Variants in CACNA1E observed in about 807,000 individuals in gnomAD.
CACNA1E encodes voltage-dependent R-type calcium channel subunit alpha-1E.
In CACNA1E, 40 loss-of-function variants were observed where a neutral mutation model predicts 259.2. That is an observed-to-expected ratio of 0.15 (90% CI 0.12 to 0.20). CACNA1E has a LOEUF of 0.20. CACNA1E is among the 10% of genes least tolerant of loss of function. CACNA1E has a pLI of 1.00. For synonymous variants in CACNA1E, 1,104 were observed against 1,138.5 expected, an observed-to-expected ratio of 0.97 and a Z score of 0.61; for missense variants, 1,874 against 3,040.1, an observed-to-expected ratio of 0.62 and a Z score of 9.02.
intron 2 of CACNA1E, among the ~76,000 whole-genome samples, chr1:181,434,307 G>T (rs1363998667): frequency 6.6e-6 from 1 of 151,942 alleles, no homozygotes. Flanking sequence ...CCTATTTTTG[G>T]ACACTTAAGT....
At chr1:181,618,234 A>C (rs1344473708) in intron 6 of CACNA1E, among the ~76,000 whole-genome samples, 7 of 152,208 alleles carry the variant, frequency 4.6e-5, no homozygotes, top group East Asian at 3.9e-4. Context: ...GGTGGTGGGC[A>C]TGGCAGATGA....
At chr1:181,522,417 A>G (rs2102681761) in intron 3 of CACNA1E, among the ~76,000 whole-genome samples, 1 of 152,302 alleles carries the variant, frequency 6.6e-6, no homozygotes, top group Non-Finnish European at 1.5e-5. Flanking sequence ...CAGCACAGAA[A>G]TTATTTTAAA....
Position 181,755,937 on chromosome 1 carries a change from A to C in CACNA1E, c.3990-19A>C. Reference sequence around the variant, plus strand: ...AGCTATAGTGAGGAGGCTCTCTTTCATTTCTGCTCTGGTTTTAGAGGCAAC... The same window carrying C: ...AGCTATAGTGAGGAGGCTCTCTTTCCTTTCTGCTCTGGTTTTAGAGGCAAC... On this transcript the variant is annotated intron_variant, in intron 28 of 47. Transcript: ENST00000367573. 6.2e-7 allele frequency: 1 copy of C among 1,609,694 alleles called. No individual in the cohort carries two copies. The highest frequency in any genetic ancestry group is 8.5e-7 in the Non-Finnish European group (1 of 1,177,564).
intron 3 of CACNA1E, among the ~76,000 whole-genome samples, chr1:181,531,793 G>A (rs1667802238): frequency 6.6e-6 from 1 of 152,302 alleles, no homozygotes; most frequent in South Asian, 2.1e-4. Flanking sequence ...GGTGGCTCAC[G>A]CCTGCAATCC....
At chr1:181,557,858 C>T (rs896049891) in intron 3 of CACNA1E, among the ~76,000 whole-genome samples, 2 of 152,166 alleles carry the variant, frequency 1.3e-5, no homozygotes, top group African/African-American at 4.8e-5. Flanking sequence ...GGATCCCACC[C>T]TCTGGACCTG....
chr1:181,335,845 C>G (rs972529400), intron 1 of CACNA1E, among the ~76,000 whole-genome samples: 2 of 152,200 alleles, frequency 1.3e-5, no homozygotes, highest in Non-Finnish European at 2.9e-5. Flanking sequence ...CACCCTGGAG[C>G]CTTTCCGCAG....
At chr1:181,597,576 C>A (rs1653315626) in intron 6 of CACNA1E, among the ~76,000 whole-genome samples, 1 of 152,158 alleles carries the variant, frequency 6.6e-6, no homozygotes, top group Non-Finnish European at 1.5e-5. Context: ...GCTGGGCACT[C>A]TACACGTGTG....
In CACNA1E at chr1:181,802,812, A is replaced by G. The variant is rs576070431; in HGVS notation, c.*3978A>G. On this transcript the variant is annotated 3_prime_UTR_variant, in exon 48 of 48. Transcript: ENST00000367573. ...AAAAAGTTGTTCTCAATTTTTCATT[A>G]CATCCTACTTCTCAGCCCTCTGGAT... 6.6e-6 allele frequency: 1 copy of G among 152,324 alleles called. No individual in the cohort carries two copies. Among genetic ancestry groups the G allele is most frequent in the East Asian group, 1.9e-4 (1 of 5,182 alleles). 9.4% of individuals were successfully genotyped at this position (152,324 alleles called of 1,614,324 possible).
intron 1 of CACNA1E, among the ~76,000 whole-genome samples, chr1:181,412,654 C>CA (rs1657939869): frequency 6.6e-6 from 1 of 152,064 alleles, no homozygotes; most frequent in Non-Finnish European, 1.5e-5. Flanking sequence ...GCAATCCCCC[C>CA]AGAGTGGGCC....
chr1:181,559,038 G>A (rs1013167780), intron 3 of CACNA1E, among the ~76,000 whole-genome samples: 1 of 152,212 alleles, frequency 6.6e-6, no homozygotes, highest in Non-Finnish European at 1.5e-5. Context: ...TGAAGGACTA[G>A]CGAAGCCCTT....
At chr1:181,608,166 AG>A (rs1485853468) in intron 6 of CACNA1E, among the ~76,000 whole-genome samples, 1 of 152,150 alleles carries the variant, frequency 6.6e-6, no homozygotes, top group Non-Finnish European at 1.5e-5. Context: ...TGCAGTTTGT[AG>A]GGCCTCACAT....
chr1:181,509,782 C>G (rs1015088595), intron 1 of CACNA1E, among the ~76,000 whole-genome samples: 4 of 152,260 alleles, frequency 2.6e-5, no homozygotes, highest in Middle Eastern at 3.4e-3. Context: ...ACTTTGCTGT[C>G]CAGGATTCCA....
At chr1:181,409,833 CAT>C (rs1158721397) in intron 1 of CACNA1E, among the ~76,000 whole-genome samples, 1 of 152,182 alleles carries the variant, frequency 6.6e-6, no homozygotes, top group Non-Finnish European at 1.5e-5. Context: ...ATATTCATAA[CAT>C]AAAGCTGGAG....
At chr1:181,685,388 C>T (rs990978743) in intron 7 of CACNA1E, among the ~76,000 whole-genome samples, 6 of 152,106 alleles carry the variant, frequency 3.9e-5, no homozygotes, top group South Asian at 2.1e-4. Flanking sequence ...TTGAGGGAAC[C>T]GAGTTGGAAT....
intron 3 of CACNA1E, among the ~76,000 whole-genome samples, chr1:181,514,669 C>A (rs1666425992): frequency 6.6e-6 from 1 of 152,040 alleles, no homozygotes; most frequent in Non-Finnish European, 1.5e-5. Context: ...TGACACAGTG[C>A]CTCAGGGCTG....
chr1:181,511,280 G>C, intron 2 of CACNA1E, 91 bp from the exon 3 acceptor site: 1 of 1,471,892 alleles, frequency 6.8e-7, no homozygotes, highest in Non-Finnish European at 9.4e-7. Context: ...GCCCAGCACA[G>C]ACATCCAGGA....
At chr1:181,548,349 C>G (rs528807488) in intron 3 of CACNA1E, among the ~76,000 whole-genome samples, 21 of 152,236 alleles carry the variant, frequency 1.4e-4, no homozygotes, top group African/African-American at 5.1e-4. Flanking sequence ...TAGTCTTGAA[C>G]TCCTGACCTC....
intron 1 of CACNA1E, among the ~76,000 whole-genome samples, chr1:181,352,357 C>T (rs1653102638): frequency 1.3e-5 from 2 of 152,058 alleles, no homozygotes; most frequent in African/African-American, 2.4e-5. Flanking sequence ...CTTCCGTTGG[C>T]ATAACAGGGT....
chr1:181,594,703 TTTTG>T (rs1289115458), intron 6 of CACNA1E, among the ~76,000 whole-genome samples: 1 of 152,208 alleles, frequency 6.6e-6, no homozygotes, highest in African/African-American at 2.4e-5. Context: ...TGGCTGCAAG[TTTTG>T]TTTCTTATCC....
Sources: gnomAD v4.1 joint callset for allele counts (sites outside exome capture counted in the v4.1 genomes callset) on GRCh38, gnomAD v4.1.1 for gene constraint, MANE v1.5 for transcripts, NCBI Gene and HGNC (gene_info 2026-07-23, HGNC 2026-07-21) for gene names.